Variants in OR6B3 observed in about 807,000 individuals in gnomAD.
The protein encoded by OR6B3 is olfactory receptor 6B3.
For synonymous variants in OR6B3, 148 were observed against 187.8 expected (o/e 0.79, Z 1.73); for missense variants, 315 against 427.4 (o/e 0.74, Z 2.32).
exon 2 of OR6B3, chr2:240,045,133 C>G: frequency 6.2e-7 from 1 of 1,613,414 alleles, no homozygotes; most frequent in Non-Finnish European, 8.5e-7. Flanking sequence ...GAAAGCCTCC[C>G]CTCTACGGCG....
At chr2:240,049,905 G>A (rs192697674), upstream of OR6B3, among the ~76,000 whole-genome samples, 158 of 152,142 alleles carry the variant, frequency 1.0e-3, 2 homozygotes, top group African/African-American at 3.6e-3. Flanking sequence ...TAATCAAAAG[G>A]GTATGTTATA....
upstream of OR6B3, among the ~76,000 whole-genome samples, chr2:240,048,530 T>C (rs1269323800): frequency 6.6e-6 from 1 of 152,164 alleles, no homozygotes; most frequent in Non-Finnish European, 1.5e-5. Context: ...CACCTCTTGC[T>C]GCGCACCCAC....
exon 2 of OR6B3, chr2:240,045,497 G>T (rs1281141418): frequency 6.2e-7 from 1 of 1,613,768 alleles, no homozygotes; most frequent in Non-Finnish European, 8.5e-7. Context: ...CTGCAGTGGA[G>T]AAGTCCGTGC....
upstream of OR6B3, among the ~76,000 whole-genome samples, chr2:240,048,639 T>C (rs979853134): frequency 2.6e-5 from 4 of 151,960 alleles, no homozygotes; most frequent in African/African-American, 9.7e-5. Context: ...CCACAAGCCG[T>C]AGGGGAATGA....
the OR6B3 span, among the ~76,000 whole-genome samples, chr2:240,052,751 C>T: frequency 3.3e-5 from 5 of 152,236 alleles, no homozygotes; most frequent in Non-Finnish European, 1.5e-5. This position sits in a 1 kb window ranked among gnomAD's most constrained non-coding sequence, Gnocchi z 4.5. Flanking sequence ...CACGCATAGC[C>T]TGCTCGTTGA....
upstream of OR6B3, among the ~76,000 whole-genome samples, chr2:240,050,739 GAA>G (rs10594725): frequency 0.23 from 30,100 of 129,756 alleles, 6,161 homozygotes; most frequent in African/African-American, 0.55. Flanking sequence ...AAAAAAAAAG[GAA>G]AAAAAAAAAA....
chr2:240,047,925 G>C (rs1202665276), upstream of OR6B3, among the ~76,000 whole-genome samples: 2 of 152,128 alleles, frequency 1.3e-5, no homozygotes, highest in African/African-American at 4.8e-5. Context: ...ACAGCAGTTT[G>C]CTTCCCCAAA....
chr2:240,045,101 G>C, exon 2 of OR6B3: 1 of 1,600,348 alleles, frequency 6.2e-7, no homozygotes, highest in Non-Finnish European at 8.5e-7. Flanking sequence ...TGTGTATTTG[G>C]AGATGAAGTT....
At chr2:240,048,066 C>G (rs1371825642), upstream of OR6B3, among the ~76,000 whole-genome samples, 2 of 152,124 alleles carry the variant, frequency 1.3e-5, no homozygotes, top group African/African-American at 4.8e-5. Flanking sequence ...ATGAATTCAA[C>G]AGATCTTTAA....
upstream of OR6B3, among the ~76,000 whole-genome samples, chr2:240,050,160 G>GA (rs557233508): frequency 0.017 from 2,521 of 151,734 alleles, 27 homozygotes; most frequent in Non-Finnish European, 0.026. Flanking sequence ...CCAAGTCATA[G>GA]AAAAAAAATC....
chr2:240,053,365 A>G, the OR6B3 span, among the ~76,000 whole-genome samples: 1 of 152,212 alleles, frequency 6.6e-6, no homozygotes, highest in Non-Finnish European at 1.5e-5. This position sits in a 1 kb window ranked among gnomAD's most constrained non-coding sequence, Gnocchi z 4.1. Context: ...AAGGTCCTGC[A>G]CTCACAATGC....
the OR6B3 span, among the ~76,000 whole-genome samples, chr2:240,052,922 C>T: frequency 1.8e-4 from 28 of 152,264 alleles, no homozygotes; most frequent in Admixed American, 9.1e-4. The surrounding 1 kb of genome is among the most constrained non-coding windows in gnomAD (Gnocchi z 4.5). Flanking sequence ...AGCGATTCTC[C>T]CACCTCAGCC....
chr2:240,045,242 C>G (rs1320867128), exon 2 of OR6B3: 2 of 1,614,158 alleles, frequency 1.2e-6, no homozygotes, highest in East Asian at 4.5e-5. Context: ...TAACTGTGTA[C>G]AAAACAGAGA....
rs200423712 is a variant in OR6B3 at position 240,045,162 on chromosome 2, G to A, written c.911C>T (p.Ala304Val). 3.3e-4 allele frequency: 532 copies of A among 1,614,206 alleles called. No individual in the cohort carries two copies. Among genetic ancestry groups the A allele is most frequent in the Non-Finnish European group, 4.3e-4 (509 of 1,180,020 alleles). Reference sequence around the variant, plus strand: ...TACGGCGCAGCTCGTCAAGCCGAAGGCTTTTTTCAAGGCATTCTTAAATTC... The same window carrying A: ...TACGGCGCAGCTCGTCAAGCCGAAGACTTTTTTCAAGGCATTCTTAAATTC... Residue 304 changes from alanine (A) to valine (V), a missense_variant, in exon 2 of 2, where the codon GCC (alanine) becomes GTC (valine). By Grantham distance (64) the Ala-to-Val change is moderately conservative (BLOSUM62 0). Coordinates refer to ENST00000641019, the Ensembl canonical transcript of OR6B3.
chr2:240,053,356 A>G, the OR6B3 span, among the ~76,000 whole-genome samples: 1 of 152,232 alleles, frequency 6.6e-6, no homozygotes, highest in Non-Finnish European at 1.5e-5. This position sits in a 1 kb window ranked among gnomAD's most constrained non-coding sequence, Gnocchi z 4.1. Context: ...ACACCGTTCA[A>G]GGTCCTGCAC....
At chr2:240,049,859 G>GA (rs371984383), upstream of OR6B3, among the ~76,000 whole-genome samples, 929 of 152,050 alleles carry the variant, frequency 6.1e-3, 15 homozygotes, top group African/African-American at 0.021. Context: ...ATTGTAATAA[G>GA]AAAAAAAGTG....
chr2:240,050,721 C>CAA (rs61309204), upstream of OR6B3, among the ~76,000 whole-genome samples: 5 of 57,316 alleles, frequency 8.7e-5, no homozygotes, highest in East Asian at 6.5e-4. Flanking sequence ...CTCAAAGAGA[C>CAA]AAAAAAAAAA....
At chr2:240,051,769 G>T (rs1698258091), upstream of OR6B3, among the ~76,000 whole-genome samples, 1 of 152,188 alleles carries the variant, frequency 6.6e-6, no homozygotes, top group Non-Finnish European at 1.5e-5. Flanking sequence ...GATCACATTT[G>T]AAGTCTAGCT....
At chr2:240,050,182 G>A (rs1698238011), upstream of OR6B3, among the ~76,000 whole-genome samples, 1 of 152,054 alleles carries the variant, frequency 6.6e-6, no homozygotes, top group South Asian at 2.1e-4. Context: ...ATTGTATTAG[G>A]TTGGTGCAAA....
Sources: gnomAD v4.1 joint callset for allele counts (sites outside exome capture counted in the v4.1 genomes callset) on GRCh38, gnomAD v4.1.1 for gene constraint, Gnocchi (gnomAD v3.1) non-coding constraint, MANE v1.5 for transcripts, NCBI Gene and HGNC (gene_info 2026-07-23, HGNC 2026-07-21) for gene names.